Variants in ST3GAL5 observed in about 807,000 individuals in gnomAD.
ST3GAL5 encodes the protein lactosylceramide alpha-2,3-sialyltransferase.
A neutral mutation model predicts 46.1 loss-of-function variants in ST3GAL5; 25 were observed. That is an observed-to-expected ratio of 0.54 (90% CI 0.40 to 0.76). ST3GAL5 has a LOEUF of 0.76. ST3GAL5 is among the 30% of genes least tolerant of loss of function. The pLI is 0.00. For missense variants in ST3GAL5, 431 were observed against 521.2 expected (o/e 0.83, Z 1.69); for synonymous variants, 182 against 192.7 (o/e 0.94, Z 0.46).
At chr2:85,855,942 T>C (rs1382541644) in intron 3 of ST3GAL5, 2 of 152,136 alleles carry the variant, frequency 1.3e-5, no homozygotes, top group Non-Finnish European at 2.9e-5. Context: ...GGAAAGATAA[T>C]AACAAATGTT....
At position 85,844,420 on chromosome 2, in the gene ST3GAL5, C is replaced by A. The variant is rs1573580842; in HGVS notation, c.984G>T (p.Gln328His). 1.2e-6 allele frequency: 2 copies of A among 1,614,230 alleles called. No individual in the cohort carries two copies. Among genetic ancestry groups the A allele is most frequent in the Non-Finnish European group, 1.7e-6 (2 of 1,180,038 alleles). The change falls in exon 6 of 7, where the codon CAG becomes CAT. Residue 328 changes from glutamine to histidine, a missense_variant. Transcript: ENST00000638572. ...AFDILQYSEP[Q>H]SRFWGRDKNV... ...CCTTATCTCGGCCCCAGAACCTTGA[C>A]TGAGGCTCTGAGTACTGAAGGATGT...
In ST3GAL5 at chr2:85,888,927, G is replaced by A. The variant is rs1326448091; in HGVS notation, c.-22C>T. On this transcript the variant is annotated 5_prime_UTR_variant, in exon 1 of 7. Coordinates refer to ENST00000638572, the MANE Select transcript of ST3GAL5 (RefSeq NM_003896.4). ...GCATACTAATGAGGGGGCGCCGGCCGGCCGCCAGCCCGGTACCCCGCGCCC... is the reference window on the plus strand; with the variant it reads ...GCATACTAATGAGGGGGCGCCGGCCAGCCGCCAGCCCGGTACCCCGCGCCC... 6.0e-6 allele frequency: 8 copies of A among 1,338,204 alleles called. No individual in the cohort carries two copies. Among genetic ancestry groups the A allele is most frequent in the African/African-American group, 1.5e-5 (1 of 65,554 alleles). The allele number at this position is 1,338,204 out of a possible 1,614,324, so 82.9% of individuals were successfully genotyped here. A position where few individuals can be genotyped will look rare whatever the true frequency, so the allele number is the denominator to read the frequency against.
chr2:85,843,398 G>A (rs1057102120), intron 6 of ST3GAL5, among the ~76,000 whole-genome samples: 2 of 152,116 alleles, frequency 1.3e-5, no homozygotes, highest in African/African-American at 4.8e-5. Flanking sequence ...TGCCAAACAA[G>A]GACATTATCA....
At chr2:85,877,928 T>A (rs1294427792) in intron 1 of ST3GAL5, among the ~76,000 whole-genome samples, 1 of 152,088 alleles carries the variant, frequency 6.6e-6, no homozygotes, top group Non-Finnish European at 1.5e-5. Flanking sequence ...TATATATGAG[T>A]TGGGAGTATG....
chr2:85,856,816 C>CAAA (rs1684163815), intron 3 of ST3GAL5, among the ~76,000 whole-genome samples: 3 of 151,720 alleles, frequency 2.0e-5, no homozygotes, highest in African/African-American at 7.3e-5. Flanking sequence ...ATGATCCTTC[C>CAAA]TGCCTCGGCC....
chr2:85,876,273 G>C (rs1400882666), intron 1 of ST3GAL5, among the ~76,000 whole-genome samples: 1 of 152,030 alleles, frequency 6.6e-6, no homozygotes, highest in Non-Finnish European at 1.5e-5. Flanking sequence ...CAGCTGTAGG[G>C]CTAGTCTAAA....
intron 3 of ST3GAL5, chr2:85,850,366 A>T (rs1326901825): frequency 6.6e-6 from 1 of 152,252 alleles, no homozygotes; most frequent in Non-Finnish European, 1.5e-5. Context: ...CTACCTATAG[A>T]AATCAGCACA....
Position 85,840,525 on chromosome 2 carries a change from T to C in ST3GAL5, c.1009-133A>G, listed in dbSNP as rs540241575. On this transcript the variant is annotated intron_variant, in intron 6 of 6. Transcript: ENST00000638572. ...CTGCAATTTCATACATCACATAATTTTATACATCATGAACTTTAGAGTCCA... is the reference window on the plus strand; with the variant it reads ...CTGCAATTTCATACATCACATAATTCTATACATCATGAACTTTAGAGTCCA... 23 of 933,126 alleles carry C rather than the reference T, an allele frequency of 2.5e-5. No homozygotes were observed. The African/African-American group carries it at 3.6e-4, about 15-fold the overall frequency. 57.8% of individuals were successfully genotyped at this position (933,126 alleles called of 1,614,324 possible).
At chr2:85,867,630 G>A (rs756576230) in intron 1 of ST3GAL5, 32 of 780,842 alleles carry the variant, frequency 4.1e-5, no homozygotes, top group African/African-American at 1.9e-4. Flanking sequence ...CCTGGGTGGC[G>A]GCGAGACAGG....
intron 1 of ST3GAL5, among the ~76,000 whole-genome samples, chr2:85,871,265 T>C (rs1170316312): frequency 6.6e-6 from 1 of 152,148 alleles, no homozygotes; most frequent in Non-Finnish European, 1.5e-5. Context: ...TTATCATTTC[T>C]TTGTGTTGGG....
At position 85,864,575 on chromosome 2, in the gene ST3GAL5, T is replaced by G. The variant is rs571453784; in HGVS notation, c.83-1090A>C. ...AAGAAAGTTACATTAAAAGCAGAAG[T>G]GTTACATCAAAAAAAAAAAAGAAAA... is the stretch of plus-strand genomic sequence containing the variant. On this transcript the variant is annotated intron_variant, in intron 1 of 6. Transcript: ENST00000638572. Among the ~76,000 whole-genome samples the G allele has an allele frequency of 1.2e-4, 13 of 107,106 alleles. No individual in the cohort carries two copies. In the South Asian group the frequency reaches 4.7e-3, roughly 38 times the overall value. 70.3% of individuals were successfully genotyped at this position (107,106 alleles called of 152,430 possible). A position where few individuals can be genotyped will look rare whatever the true frequency, so the allele number is the denominator to read the frequency against.
chr2:85,862,221 A>G (rs529108487), intron 2 of ST3GAL5, among the ~76,000 whole-genome samples: 1 of 152,282 alleles, frequency 6.6e-6, no homozygotes, highest in East Asian at 1.9e-4. Flanking sequence ...TATAATGATA[A>G]GTGAACAGGA....
intron 6 of ST3GAL5, among the ~76,000 whole-genome samples, chr2:85,841,713 A>C (rs1037585935): frequency 5.3e-5 from 8 of 152,146 alleles, no homozygotes; most frequent in Non-Finnish European, 1.0e-4. Context: ...CTTGGCCTAG[A>C]ATCTCCATTG....
At chr2:85,856,195 A>C (rs1684091674) in intron 3 of ST3GAL5, 3 of 152,230 alleles carry the variant, frequency 2.0e-5, no homozygotes. Flanking sequence ...CCAAATGTCC[A>C]CTAACTGATG....
intron 3 of ST3GAL5, among the ~76,000 whole-genome samples, chr2:85,860,279 C>T (rs1033592766): frequency 2.6e-5 from 4 of 152,198 alleles, no homozygotes; most frequent in Non-Finnish European, 5.9e-5. Flanking sequence ...AAGCCATCAT[C>T]TGTAAGATGG....
At chr2:85,882,205 G>A (rs1381618354) in intron 1 of ST3GAL5, among the ~76,000 whole-genome samples, 2 of 152,216 alleles carry the variant, frequency 1.3e-5, no homozygotes, top group Non-Finnish European at 2.9e-5. Context: ...TGCTGCAGGG[G>A]CGGGGACCTC....
chr2:85,852,661 C>A (rs922684092), intron 3 of ST3GAL5, among the ~76,000 whole-genome samples: 17 of 151,936 alleles, frequency 1.1e-4, no homozygotes, highest in South Asian at 2.1e-4. Flanking sequence ...GTGACAGAGG[C>A]GTGGCTGCAT....
chr2:85,868,426 T>C (rs1685525586), intron 1 of ST3GAL5, among the ~76,000 whole-genome samples: 1 of 151,380 alleles, frequency 6.6e-6, no homozygotes. Flanking sequence ...CTCAGCCTCC[T>C]GAGTAGCTGG....
rs186791510 is a variant in ST3GAL5 at position 85,869,162 on chromosome 2, A to C, written c.83-5677T>G. Among the ~76,000 whole-genome samples, 322 of 152,144 alleles carry C rather than the reference A, an allele frequency of 2.1e-3. 1 individual carries two copies. The highest frequency in any genetic ancestry group is 7.3e-3 in the African/African-American group (302 of 41,512). On this transcript the variant is annotated intron_variant, in intron 1 of 6. Transcript: ENST00000638572. ...ACTCCTGGGCTCAAGCGATACTCCC[A>C]CTTTGGTCTTCTCAGTAGCTGGAAC... is the stretch of plus-strand genomic sequence containing the variant.
Sources: allele counts gnomAD v4.1 joint callset (sites outside exome capture counted in the v4.1 genomes callset), GRCh38; gene constraint gnomAD v4.1.1; transcripts MANE v1.5; gene names NCBI Gene and HGNC (gene_info 2026-07-23, HGNC 2026-07-21).